LRRFIP1: variants seen among roughly 807,000 people sequenced by gnomAD.
LRRFIP1 encodes leucine-rich repeat flightless-interacting protein 1.
In LRRFIP1, 62 loss-of-function variants were observed where a neutral mutation model predicts 104.4. That is an observed-to-expected ratio of 0.59 (90% CI 0.48 to 0.73). The LOEUF is 0.73. Among genes scored for constraint, LRRFIP1 ranks in the 30% least tolerant of loss-of-function variants. The probability of loss-of-function intolerance (pLI) is 0.00; values close to 1 mark genes in which losing one functional copy is unlikely to be tolerated. For missense variants in LRRFIP1, 796 were observed against 824.5 expected (o/e 0.97, Z 0.42); for synonymous variants, 300 against 299.0 (o/e 1.00, Z -0.03).
chr2:237,700,189 A>AAAGTTGGTGGCTGTGGCTACT (rs2093436860), intron 1 of LRRFIP1, among the ~76,000 whole-genome samples: 1 of 152,158 alleles, frequency 6.6e-6, no homozygotes, highest in Non-Finnish European at 1.5e-5. Flanking sequence ...AGAGAAAACA[A>AAAGTTGGTGGCTGTGGCTACT]AAGTTGGTGG....
intron 13 of LRRFIP1, among the ~76,000 whole-genome samples, chr2:237,750,326 CTT>C (rs928510240): frequency 0.02 from 1,213 of 60,776 alleles, 11 homozygotes; most frequent in African/African-American, 0.072. Flanking sequence ...TTCTTTCTTT[CTT>C]TTTTTTTTTT....
intron 20 of LRRFIP1, chr2:237,770,587 A>C (rs1361225747): frequency 6.5e-6 from 1 of 152,750 alleles, no homozygotes; most frequent in Non-Finnish European, 1.5e-5. Flanking sequence ...TGAGGTCAGG[A>C]GTTCAAGAGC....
chr2:237,677,496 A>G (rs1378413418), intron 1 of LRRFIP1, among the ~76,000 whole-genome samples: 2 of 152,166 alleles, frequency 1.3e-5, no homozygotes, highest in Admixed American at 6.5e-5. Context: ...TCCATTTAAT[A>G]TAAGTTATTT....
At chr2:237,654,251 G>GA (rs532070160) in intron 1 of LRRFIP1, among the ~76,000 whole-genome samples, 20 of 149,974 alleles carry the variant, frequency 1.3e-4, no homozygotes, top group South Asian at 4.2e-4. Flanking sequence ...ATAGATACGT[G>GA]AAAAAAAAAT....
intron 1 of LRRFIP1, among the ~76,000 whole-genome samples, chr2:237,690,379 T>C (rs1027490637): frequency 1.3e-5 from 2 of 152,232 alleles, no homozygotes; most frequent in African/African-American, 4.8e-5. Context: ...AACTGCTTTC[T>C]ACAATAAATT....
intron 1 of LRRFIP1, among the ~76,000 whole-genome samples, chr2:237,685,843 T>C (rs1466336823): frequency 5.3e-5 from 8 of 152,246 alleles, no homozygotes; most frequent in African/African-American, 1.9e-4. Flanking sequence ...TGGTCCCGCC[T>C]TCCTTCAAGG....
intron 1 of LRRFIP1, among the ~76,000 whole-genome samples, chr2:237,659,745 G>A (rs1214058928): frequency 6.6e-6 from 1 of 151,806 alleles, no homozygotes; most frequent in African/African-American, 2.4e-5. Flanking sequence ...GGCTCAAGGG[G>A]TCCAGCCACC....
At chr2:237,775,400 G>C (rs886144728) in intron 23 of LRRFIP1, among the ~76,000 whole-genome samples, 25 of 152,236 alleles carry the variant, frequency 1.6e-4, no homozygotes, top group Admixed American at 1.2e-3. Context: ...AGGGGGTGGA[G>C]GGAGCAGTGA....
intron 1 of LRRFIP1, among the ~76,000 whole-genome samples, chr2:237,664,761 C>T (rs571776893): frequency 6.6e-6 from 1 of 152,176 alleles, no homozygotes; most frequent in African/African-American, 2.4e-5. Flanking sequence ...AAGAACGTTG[C>T]GATGAACATC....
intron 1 of LRRFIP1, among the ~76,000 whole-genome samples, chr2:237,666,795 T>TTCTTTCTCTTTC (rs1559501518): frequency 1.0e-4 from 3 of 29,632 alleles, no homozygotes; most frequent in African/African-American, 2.8e-4. Context: ...TTCTTTCTCT[T>TTCTTTCTCTTTC]TCTCTTTCTT....
chr2:237,673,246 C>T (rs543349512), intron 1 of LRRFIP1, among the ~76,000 whole-genome samples: 15 of 152,214 alleles, frequency 9.9e-5, no homozygotes, highest in Non-Finnish European at 1.6e-4. Context: ...CATAACAGAC[C>T]TCTGTGTCCC....
At chr2:237,644,630 A>T (rs1361496682) in intron 1 of LRRFIP1, among the ~76,000 whole-genome samples, 3 of 152,206 alleles carry the variant, frequency 2.0e-5, no homozygotes, top group Non-Finnish European at 4.4e-5. Flanking sequence ...TAGAGAATAC[A>T]TAACCTGTTC....
At chr2:237,755,975 G>A (rs2059223236) in intron 15 of LRRFIP1, 120 bp from the exon 16 acceptor site, 1 of 548,330 alleles carries the variant, frequency 1.8e-6, no homozygotes, top group Admixed American at 3.5e-5. Flanking sequence ...AGACCTTGAA[G>A]ATTGTGATGA....
intron 1 of LRRFIP1, among the ~76,000 whole-genome samples, chr2:237,655,103 T>TC (rs1491518151): frequency 1.2e-4 from 7 of 57,638 alleles, no homozygotes; most frequent in African/African-American, 2.9e-4. Context: ...ATCTCACTTC[T>TC]TTTTTTTTTT....
chr2:237,674,733 C>T (rs1027450472), intron 1 of LRRFIP1, among the ~76,000 whole-genome samples: 1 of 152,218 alleles, frequency 6.6e-6, no homozygotes, highest in African/African-American at 2.4e-5. Flanking sequence ...CAAAAACCTT[C>T]GGTAGTATTA....
chr2:237,735,860 C>T lies in LRRFIP1; in HGVS notation c.555+527C>T, dbSNP rs1456256908. ...TTTGTGAATGAATGCGTGAGAAAAG[C>T]AACAAGGTAGAAAAATGAGATGGAA... On this transcript the variant is annotated intron_variant, in intron 10 of 23. Coordinates refer to ENST00000308482, the MANE Select transcript of LRRFIP1 (RefSeq NM_001137550.2). This position sits in a 1 kb window ranked among gnomAD's most constrained non-coding sequence, Gnocchi z 4.6. Among the ~76,000 whole-genome samples the T allele has an allele frequency of 3.3e-5, 5 of 152,130 alleles. No homozygotes were observed. Among genetic ancestry groups the T allele is most frequent in the Admixed American group, 6.6e-5 (1 of 15,264 alleles).
intron 1 of LRRFIP1, among the ~76,000 whole-genome samples, chr2:237,686,542 C>T (rs527994075): frequency 3.2e-4 from 49 of 152,310 alleles, no homozygotes; most frequent in African/African-American, 1.2e-3. Context: ...ATGTTCCAAG[C>T]AGTGAGAACA....
chr2:237,663,788 A>T (rs1040213863), intron 1 of LRRFIP1, among the ~76,000 whole-genome samples: 27 of 152,132 alleles, frequency 1.8e-4, no homozygotes, highest in Admixed American at 3.3e-4. Flanking sequence ...TGTTCTGGGA[A>T]TGTTGCCTTG....
chr2:237,632,769 C>T (rs562855068), intron 1 of LRRFIP1, among the ~76,000 whole-genome samples: 7 of 125,096 alleles, frequency 5.6e-5, no homozygotes, highest in African/African-American at 1.7e-4. Context: ...TGACCTGGCT[C>T]CTCTGGGGTG....
Sources: allele counts gnomAD v4.1 joint callset (sites outside exome capture counted in the v4.1 genomes callset), GRCh38; gene constraint gnomAD v4.1.1; non-coding constraint Gnocchi (gnomAD v3.1); transcripts MANE v1.5; gene names NCBI Gene and HGNC (gene_info 2026-07-23, HGNC 2026-07-21).